Variants in SGCD observed in about 807,000 individuals in gnomAD.
SGCD encodes the protein sarcoglycan delta.
SGCD carries 18 observed loss-of-function variants against 36.6 expected under a neutral mutation model. The ratio of observed to expected loss-of-function variants is 0.49; its 90% CI spans 0.34 to 0.73. The LOEUF (loss-of-function observed/expected upper bound fraction) is 0.73. Among genes scored for constraint, SGCD ranks in the 30% least tolerant of loss-of-function variants. The pLI is 0.01. For missense variants in SGCD, 387 were observed against 346.7 expected, an observed-to-expected ratio of 1.12 and a Z score of -0.92; for synonymous variants, 133 against 130.6, an observed-to-expected ratio of 1.02 and a Z score of -0.12.
At chr5:155,943,595 A>G (rs138364258) in intron 1 of SGCD, among the ~76,000 whole-genome samples, 143 of 152,210 alleles carry the variant, frequency 9.4e-4, no homozygotes, top group African/African-American at 3.3e-3. Flanking sequence ...CCAGAACTAT[A>G]TTTTTCTGAT....
chr5:156,343,004 A>T (rs1271537479), intron 2 of SGCD, among the ~76,000 whole-genome samples: 1 of 152,216 alleles, frequency 6.6e-6, no homozygotes, highest in Non-Finnish European at 1.5e-5. Flanking sequence ...AGCCATAAGG[A>T]AGAATTCACT....
intron 7 of SGCD, among the ~76,000 whole-genome samples, chr5:156,672,284 T>C (rs1481891026): frequency 6.6e-6 from 1 of 152,196 alleles, no homozygotes; most frequent in Non-Finnish European, 1.5e-5. Context: ...TCCAGCACTG[T>C]TACCCTCAGC....
At chr5:155,941,333 C>T (rs1020196832) in intron 1 of SGCD, among the ~76,000 whole-genome samples, 10 of 152,098 alleles carry the variant, frequency 6.6e-5, no homozygotes, top group Non-Finnish European at 1.3e-4. Context: ...TAAACTATAG[C>T]AAGGAGCCAC....
At chr5:156,668,432 C>T (rs981162250) in intron 7 of SGCD, among the ~76,000 whole-genome samples, 36 of 152,182 alleles carry the variant, frequency 2.4e-4, no homozygotes, top group South Asian at 2.1e-4. Context: ...GATGCCTTTT[C>T]GTTCTGGAGT....
At chr5:156,524,902 G>A (rs970940129) in intron 4 of SGCD, among the ~76,000 whole-genome samples, 2 of 152,032 alleles carry the variant, frequency 1.3e-5, no homozygotes, top group African/African-American at 4.8e-5. Flanking sequence ...TGTTAAAAAT[G>A]ACAAGATTTC....
At chr5:156,436,849 C>A (rs1419100797) in intron 3 of SGCD, among the ~76,000 whole-genome samples, 1 of 152,150 alleles carries the variant, frequency 6.6e-6, no homozygotes, top group Non-Finnish European at 1.5e-5. Flanking sequence ...TCCTTTATAG[C>A]TAACCAACTC....
At chr5:156,300,959 T>A (rs1767037761) in intron 3 of SGCD, among the ~76,000 whole-genome samples, 1 of 152,006 alleles carries the variant, frequency 6.6e-6, no homozygotes, top group African/African-American at 2.4e-5. Context: ...TGGCATGGCA[T>A]ATCTTTTTCC....
At chr5:156,571,021 T>C (rs1254849699) in intron 4 of SGCD, among the ~76,000 whole-genome samples, 1 of 152,148 alleles carries the variant, frequency 6.6e-6, no homozygotes, top group African/African-American at 2.4e-5. Flanking sequence ...TACCATTCTC[T>C]TTCTTTTCAT....
At chr5:156,634,647 G>A (rs1054807246) in intron 6 of SGCD, among the ~76,000 whole-genome samples, 5 of 152,122 alleles carry the variant, frequency 3.3e-5, no homozygotes, top group African/African-American at 1.2e-4. Flanking sequence ...GGTAGCATGA[G>A]GGAATTTTTG....
chr5:156,752,640 C>T (rs1011589673), intron 7 of SGCD, among the ~76,000 whole-genome samples: 20 of 152,184 alleles, frequency 1.3e-4, no homozygotes, highest in African/African-American at 3.1e-4. Context: ...GTGATCCACC[C>T]GCCTTGGCCT....
rs79184542 is a variant in SGCD at position 156,129,547 on chromosome 5, G to A, written c.-44+5528G>A. 2.9e-4 allele frequency among the ~76,000 whole-genome samples: 44 copies of A among 152,290 alleles called. No individual in the cohort carries two copies. In the East Asian group the frequency reaches 8.3e-3, roughly 29 times the overall value. ...GAAGCTTTGTTATGTAGGTAAACTAGCGTCACAGGGGTTTGCTGTACAGAT... is the reference window on the plus strand; with the variant it reads ...GAAGCTTTGTTATGTAGGTAAACTAACGTCACAGGGGTTTGCTGTACAGAT... On this transcript the variant is annotated intron_variant, in intron 3 of 9. Transcript: ENST00000517913.
intron 1 of SGCD, among the ~76,000 whole-genome samples, chr5:155,962,230 CT>C (rs1757805441): frequency 6.6e-6 from 1 of 152,044 alleles, no homozygotes; most frequent in African/African-American, 2.4e-5. Flanking sequence ...CACTATAAGC[CT>C]ATGATGCCTT....
chr5:156,208,232 C>T (rs1452918401), intron 3 of SGCD, among the ~76,000 whole-genome samples: 1 of 152,170 alleles, frequency 6.6e-6, no homozygotes, highest in Non-Finnish European at 1.5e-5. Context: ...GATTAAAGCC[C>T]AGTTTTGCCT....
chr5:156,725,727 C>T (rs1381269766), intron 7 of SGCD, among the ~76,000 whole-genome samples: 3 of 152,152 alleles, frequency 2.0e-5, no homozygotes, highest in South Asian at 2.1e-4. Context: ...GGGAGTCTGC[C>T]CACTGCCTGC....
chr5:156,559,405 G>A (rs1015605921), intron 4 of SGCD, among the ~76,000 whole-genome samples: 9 of 152,148 alleles, frequency 5.9e-5, no homozygotes, highest in African/African-American at 1.9e-4. Flanking sequence ...TGAAACTTGC[G>A]AAGTAGAACT....
chr5:156,473,592 T>C (rs555668800), intron 3 of SGCD, among the ~76,000 whole-genome samples: 1 of 152,356 alleles, frequency 6.6e-6, no homozygotes, highest in African/African-American at 2.4e-5. Context: ...GACTACTGTG[T>C]GTTTTTTATA....
At chr5:156,002,432 C>A (rs539376079) in intron 1 of SGCD, among the ~76,000 whole-genome samples, 1 of 152,168 alleles carries the variant, frequency 6.6e-6, no homozygotes, top group African/African-American at 2.4e-5. Flanking sequence ...TGACAGTCCT[C>A]GCCAAGTAAT....
At chr5:156,671,697 GT>G (rs1753302339) in intron 7 of SGCD, among the ~76,000 whole-genome samples, 2 of 152,132 alleles carry the variant, frequency 1.3e-5, no homozygotes, top group South Asian at 4.1e-4. Context: ...TGGATGCTTT[GT>G]GTCAGTGCAT....
chr5:156,588,335 A>G (rs1482692713), intron 4 of SGCD, among the ~76,000 whole-genome samples: 1 of 152,130 alleles, frequency 6.6e-6, no homozygotes, highest in Non-Finnish European at 1.5e-5. Context: ...TTTAAATATA[A>G]AATTAAAATT....
Sources: allele counts gnomAD v4.1 joint callset (sites outside exome capture counted in the v4.1 genomes callset), GRCh38; gene constraint gnomAD v4.1.1; transcripts MANE v1.5; gene names NCBI Gene and HGNC (gene_info 2026-07-23, HGNC 2026-07-21).